DSCAM: variants seen among roughly 807,000 people sequenced by gnomAD.
DSCAM encodes DS cell adhesion molecule, also known as cell adhesion molecule DSCAM.
DSCAM carries 47 observed loss-of-function variants against 217.7 expected under a neutral mutation model. That is an observed-to-expected ratio of 0.22 (90% CI 0.17 to 0.28). DSCAM has a LOEUF of 0.28. Ranked by LOEUF, DSCAM falls within the 10% of genes least tolerant of loss-of-function variation. DSCAM has a pLI of 1.00. For synonymous variants in DSCAM, 1,056 were observed against 1,015.3 expected, an observed-to-expected ratio of 1.04 and a Z score of -0.76; for missense variants, 2,080 against 2,618.3, an observed-to-expected ratio of 0.79 and a Z score of 4.49.
chr21:40,776,589 C>T (rs115377601), intron 1 of DSCAM, among the ~76,000 whole-genome samples: 1,972 of 152,158 alleles, frequency 0.013, 36 homozygotes, highest in African/African-American at 0.045. Flanking sequence ...ATGATGTGTG[C>T]ACATCCCTTA....
At chr21:40,573,491 G>T (rs1216798267) in intron 3 of DSCAM, among the ~76,000 whole-genome samples, 1 of 152,120 alleles carries the variant, frequency 6.6e-6, no homozygotes, top group Admixed American at 6.5e-5. Context: ...GAATGAAAAT[G>T]AAAACACAAC....
chr21:40,184,132 G>T (rs2090868833), intron 14 of DSCAM, among the ~76,000 whole-genome samples: 1 of 152,166 alleles, frequency 6.6e-6, no homozygotes, highest in African/African-American at 2.4e-5. Context: ...AGTCAGGGAA[G>T]GCTTCCTGGA....
rs1433333010 is a variant in DSCAM at position 40,620,394 on chromosome 21, A to G, written c.508+72416T>C. ...AGAAAGAAAGAAAGAAAGAGAAAGA[A>G]AGAAAGAAAGGAGGGAGGGAGGGAG... On this transcript the variant is annotated intron_variant, in intron 3 of 32. Transcript: ENST00000400454. 2.1e-5 allele frequency among the ~76,000 whole-genome samples: 3 copies of G among 143,180 alleles called. No homozygotes were observed. The East Asian group carries it at 6.3e-4, about 30-fold the overall frequency. 93.9% of individuals were successfully genotyped at this position (143,180 alleles called of 152,430 possible).
At chr21:40,525,035 A>G (rs1402272967) in intron 3 of DSCAM, among the ~76,000 whole-genome samples, 1 of 150,288 alleles carries the variant, frequency 6.7e-6, no homozygotes, top group Non-Finnish European at 1.5e-5. Flanking sequence ...AAAAAAATCC[A>G]TTCACAGAAG....
intron 1 of DSCAM, among the ~76,000 whole-genome samples, chr21:40,820,311 G>A (rs2091914560): frequency 6.6e-6 from 1 of 152,228 alleles, no homozygotes; most frequent in Middle Eastern, 3.4e-3. Flanking sequence ...TCCTTTGCAG[G>A]GACATGGATG....
intron 3 of DSCAM, among the ~76,000 whole-genome samples, chr21:40,584,407 AG>A (rs2076928214): frequency 6.6e-6 from 1 of 152,236 alleles, no homozygotes; most frequent in Non-Finnish European, 1.5e-5. Context: ...CAGAATGACA[AG>A]GATTGAGATC....
chr21:40,437,791 A>G (rs1231085953), intron 3 of DSCAM, among the ~76,000 whole-genome samples: 5 of 152,172 alleles, frequency 3.3e-5, no homozygotes, highest in African/African-American at 1.2e-4. Flanking sequence ...CAGAGGTTGC[A>G]GTGAGCCGAG....
chr21:40,553,713 A>G (rs1017108168), intron 3 of DSCAM, among the ~76,000 whole-genome samples: 2 of 152,194 alleles, frequency 1.3e-5, no homozygotes, highest in African/African-American at 4.8e-5. Flanking sequence ...TATTGCAAAC[A>G]CCTGCCAGCA....
At chr21:40,050,846 T>C (rs1255102389) in intron 30 of DSCAM, among the ~76,000 whole-genome samples, 1 of 152,190 alleles carries the variant, frequency 6.6e-6, no homozygotes, top group African/African-American at 2.4e-5. Context: ...ATCCCGTTTA[T>C]GTCTTCAGAA....
At chr21:40,047,210 G>A (rs2088856046) in intron 30 of DSCAM, among the ~76,000 whole-genome samples, 1 of 152,002 alleles carries the variant, frequency 6.6e-6, no homozygotes, top group Admixed American at 6.6e-5. Context: ...TTTGGTTTTT[G>A]GAGCCATTGT....
chr21:40,214,735 C>CAAAAAAAAAAAAAAAAAAAAAACA (rs1209648217), intron 11 of DSCAM, among the ~76,000 whole-genome samples: 1 of 67,864 alleles, frequency 1.5e-5, no homozygotes, highest in African/African-American at 4.0e-5. Context: ...GCAACAACAG[C>CAAAAAAAAAAAAAAAAAAAAAACA]AAAAAAAAAA....
intron 10 of DSCAM, among the ~76,000 whole-genome samples, chr21:40,279,133 CA>C (rs2073726516): frequency 6.6e-6 from 1 of 152,102 alleles, no homozygotes; most frequent in Non-Finnish European, 1.5e-5. Context: ...GGGATAAAAA[CA>C]TTTAAAAACA....
At chr21:40,077,867 C>T (rs1413476226) in intron 26 of DSCAM, among the ~76,000 whole-genome samples, 3 of 152,296 alleles carry the variant, frequency 2.0e-5, no homozygotes, top group South Asian at 2.1e-4. Flanking sequence ...GCATTGCTGC[C>T]GTTTTTACCT....
rs1322808201 is a variant in DSCAM at position 40,498,670 on chromosome 21, TATATATATATATATATATATATATATAG to T, written c.509-129453_509-129426del. Among the ~76,000 whole-genome samples the T allele has an allele frequency of 1.3e-3, 7 of 5,436 alleles. 1 individual carries two copies. The South Asian group carries it at 0.024, about 19-fold the overall frequency. The allele number at this position is 5,436 out of a possible 152,430, so 3.6% of individuals were successfully genotyped here. A position where few individuals can be genotyped will look rare whatever the true frequency, so the allele number is the denominator to read the frequency against. ...TAGTGTGTGTGTATATATATACCCA[TATATATATATATATATATATATATATAG>T]ATATATATATATGGGTGTATATATA... On this transcript the variant is annotated intron_variant, in intron 3 of 32. Transcript: ENST00000400454.
chr21:40,289,571 TGA>T (rs1482633676), intron 10 of DSCAM, among the ~76,000 whole-genome samples: 2 of 152,156 alleles, frequency 1.3e-5, no homozygotes, highest in Admixed American at 1.3e-4. Context: ...TAAGATATGT[TGA>T]GAGAGACAGA....
chr21:40,493,634 G>A (rs2076093574), intron 3 of DSCAM, among the ~76,000 whole-genome samples: 1 of 151,984 alleles, frequency 6.6e-6, no homozygotes, highest in Non-Finnish European at 1.5e-5. Context: ...GGCCGAGGCA[G>A]GTGGATCCCC....
At chr21:40,811,343 C>A (rs1021682279) in intron 1 of DSCAM, among the ~76,000 whole-genome samples, 2 of 152,190 alleles carry the variant, frequency 1.3e-5, no homozygotes, top group Non-Finnish European at 2.9e-5. Context: ...TGATTGCTTC[C>A]TTTTTAAGCT....
At position 40,146,324 on chromosome 21, in the gene DSCAM, C is replaced by G. The variant is rs1174487361; in HGVS notation, c.3019-1593G>C. On this transcript the variant is annotated intron_variant, in intron 16 of 32. Coordinates refer to ENST00000400454, the MANE Select transcript of DSCAM (RefSeq NM_001389.5). ...AGAAGGAGGATGGGGTGAGTGGAGC[C>G]TGCAAAGGGTGCACACCTGCCCAGC... 2.0e-5 allele frequency among the ~76,000 whole-genome samples: 3 copies of G among 152,016 alleles called. No homozygotes were observed. In the South Asian group the frequency reaches 6.2e-4, roughly 32 times the overall value.
chr21:40,340,760 A>C (rs1036171980), intron 6 of DSCAM, among the ~76,000 whole-genome samples: 3 of 152,170 alleles, frequency 2.0e-5, no homozygotes, highest in African/African-American at 7.2e-5. Context: ...TTTTGTTGAA[A>C]ATTGGAAAGT....
Sources: allele counts gnomAD v4.1 joint callset (sites outside exome capture counted in the v4.1 genomes callset), GRCh38; gene constraint gnomAD v4.1.1; transcripts MANE v1.5; gene names NCBI Gene and HGNC (gene_info 2026-07-23, HGNC 2026-07-21).